SGCZ: variants seen among roughly 807,000 people sequenced by gnomAD.
SGCZ encodes sarcoglycan zeta.
In SGCZ, 40 loss-of-function variants were observed where a neutral mutation model predicts 41.3. That is an observed-to-expected ratio of 0.97 (90% CI 0.75 to 1.26). The LOEUF (loss-of-function observed/expected upper bound fraction) is 1.26. Ranked by LOEUF, SGCZ falls within the 50% of genes most tolerant of loss-of-function variation. SGCZ has a pLI of 0.00. For missense variants in SGCZ, 552 were observed against 369.8 expected, an observed-to-expected ratio of 1.49 and a Z score of -4.04; for synonymous variants, 206 against 137.5, an observed-to-expected ratio of 1.50 and a Z score of -3.49.
At chr8:14,747,244 T>C (rs1274081668) in intron 1 of SGCZ, among the ~76,000 whole-genome samples, 1 of 152,194 alleles carries the variant, frequency 6.6e-6, no homozygotes, top group East Asian at 1.9e-4. Flanking sequence ...TGCTGAGTCG[T>C]GTGTGAATAC....
chr8:14,705,578 G>A (rs1809307511), intron 1 of SGCZ, among the ~76,000 whole-genome samples: 3 of 151,890 alleles, frequency 2.0e-5, no homozygotes, highest in East Asian at 3.9e-4. Flanking sequence ...AGATCAAAAT[G>A]TTTCTATTTT....
intron 1 of SGCZ, among the ~76,000 whole-genome samples, chr8:14,801,435 G>T (rs1329921274): frequency 6.6e-6 from 1 of 152,092 alleles, no homozygotes; most frequent in Non-Finnish European, 1.5e-5. Flanking sequence ...TTGGAAGATG[G>T]ATGTAGCACT....
intron 7 of SGCZ, among the ~76,000 whole-genome samples, chr8:14,101,079 T>G (rs1456764317): frequency 6.6e-6 from 1 of 151,880 alleles, no homozygotes; most frequent in Non-Finnish European, 1.5e-5. Flanking sequence ...AAGGTAGAAT[T>G]AAAAATGAAC....
At chr8:14,683,535 C>T (rs183156661) in intron 1 of SGCZ, among the ~76,000 whole-genome samples, 346 of 152,162 alleles carry the variant, frequency 2.3e-3, no homozygotes, top group Non-Finnish European at 3.6e-3. Context: ...AACTTCTTCC[C>T]AAATTCATCA....
intron 2 of SGCZ, among the ~76,000 whole-genome samples, chr8:14,459,802 A>C (rs1800850055): frequency 6.6e-6 from 1 of 152,208 alleles, no homozygotes; most frequent in South Asian, 2.1e-4. Context: ...AAATAAATAA[A>C]AGCAAGGAAC....
At position 14,289,952 on chromosome 8, in the gene SGCZ, G is replaced by C. The variant is rs150902981; in HGVS notation, c.336+34151C>G. Among the ~76,000 whole-genome samples, 1,056 of 152,094 alleles carry C rather than the reference G, an allele frequency of 6.9e-3. 7 individuals are homozygous for C. The highest frequency in any genetic ancestry group is 0.011 in the Non-Finnish European group (756 of 67,970). On this transcript the variant is annotated intron_variant, in intron 3 of 7. Transcript: ENST00000382080. The stretch of plus-strand genomic sequence containing the variant: ...AGCAGGCACCTTCTTCATAAGGCAG[G>C]AGAGTGAGTGAGTGGCGAACCACCA...
Position 14,103,741 on chromosome 8 carries a change from G to C in SGCZ, c.621-1242C>G, listed in dbSNP as rs185802585. Among the ~76,000 whole-genome samples, 150 of 151,912 alleles carry C rather than the reference G, an allele frequency of 9.9e-4. 2 individuals are homozygous for C. The highest frequency in any genetic ancestry group is 3.4e-3 in the African/African-American group (141 of 41,450). On this transcript the variant is annotated intron_variant, in intron 6 of 7. Transcript: ENST00000382080. ...CTTCATATAATCCCTGGAGGGGTGAGGTTTTGAATGTGTCTATTTTTAAGA... is the reference window on the plus strand; with the variant it reads ...CTTCATATAATCCCTGGAGGGGTGACGTTTTGAATGTGTCTATTTTTAAGA...
At chr8:14,520,017 T>TA (rs1396215831) in intron 2 of SGCZ, among the ~76,000 whole-genome samples, 10 of 152,086 alleles carry the variant, frequency 6.6e-5, no homozygotes, top group African/African-American at 2.4e-4. Flanking sequence ...AACTTTTTTT[T>TA]AAAAATGATA....
intron 2 of SGCZ, among the ~76,000 whole-genome samples, chr8:14,388,672 C>G (rs576676255): frequency 4.9e-4 from 74 of 151,858 alleles, no homozygotes; most frequent in African/African-American, 1.8e-3. Context: ...TTTAGCTTTC[C>G]AAAGTCAAAG....
chr8:14,822,157 C>T (rs1402625844), intron 1 of SGCZ, among the ~76,000 whole-genome samples: 2 of 149,990 alleles, frequency 1.3e-5, no homozygotes, highest in African/African-American at 2.5e-5. Context: ...ACACAAAAAT[C>T]AACATTCAAA....
intron 1 of SGCZ, chr8:14,853,561 C>G: frequency 2.0e-6 from 1 of 508,232 alleles, no homozygotes; most frequent in South Asian, 1.4e-5. Flanking sequence ...CAAACATAAT[C>G]AAACAATACA....
intron 3 of SGCZ, among the ~76,000 whole-genome samples, chr8:14,323,505 A>T (rs1284594571): frequency 1.3e-5 from 2 of 152,112 alleles, no homozygotes; most frequent in Admixed American, 1.3e-4. Context: ...GCCTTCTGAG[A>T]GGTAATGTAC....
At chr8:14,186,019 C>T (rs1371975358) in intron 4 of SGCZ, among the ~76,000 whole-genome samples, 1 of 152,114 alleles carries the variant, frequency 6.6e-6, no homozygotes, top group Non-Finnish European at 1.5e-5. Flanking sequence ...CCCAATACAA[C>T]CTTTGAGTTG....
At chr8:14,864,991 C>A (rs1242417284) in intron 1 of SGCZ, among the ~76,000 whole-genome samples, 1 of 144,760 alleles carries the variant, frequency 6.9e-6, no homozygotes, top group South Asian at 2.1e-4. Context: ...CAATTTTTAG[C>A]CCATTATTAT....
intron 1 of SGCZ, among the ~76,000 whole-genome samples, chr8:15,204,496 C>G (rs1563182517): frequency 6.6e-6 from 1 of 152,126 alleles, no homozygotes; most frequent in Non-Finnish European, 1.5e-5. Context: ...TACTTTCTTC[C>G]TAAAAATGAC....
rs7002045 is a variant in SGCZ, at chr8:14,208,515, A to G, written c.424+29077T>C. Among the ~76,000 whole-genome samples the G allele has an allele frequency of 8.0e-3, 1,216 of 152,348 alleles. 23 individuals are homozygous for G. Among genetic ancestry groups the G allele is most frequent in the African/African-American group, 0.028 (1,166 of 41,584 alleles). Reference sequence around the variant, plus strand: ...AAATAATTTTGTCAACCACATTAACAATTGAAACATGAAAATACACAAAGA... The same window carrying G: ...AAATAATTTTGTCAACCACATTAACGATTGAAACATGAAAATACACAAAGA... On this transcript the variant is annotated intron_variant, in intron 4 of 7. Coordinates refer to ENST00000382080, the MANE Select transcript of SGCZ (RefSeq NM_139167.4).
intron 1 of SGCZ, among the ~76,000 whole-genome samples, chr8:15,227,296 G>A (rs1051435140): frequency 2.0e-5 from 3 of 152,090 alleles, no homozygotes; most frequent in African/African-American, 4.8e-5. Context: ...ATACACAAAC[G>A]AGCTATTAAA....
intron 2 of SGCZ, among the ~76,000 whole-genome samples, chr8:14,456,955 C>T (rs1412605647): frequency 1.3e-5 from 2 of 152,184 alleles, no homozygotes; most frequent in African/African-American, 4.8e-5. Context: ...TTGCCTTCTG[C>T]CATGATTGTA....
intron 1 of SGCZ, among the ~76,000 whole-genome samples, chr8:14,734,492 G>A (rs947158522): frequency 1.3e-5 from 2 of 152,072 alleles, no homozygotes; most frequent in African/African-American, 4.8e-5. Flanking sequence ...CACCGTAAAG[G>A]TTTAGCAACC....
Sources: gnomAD v4.1 joint callset for allele counts (sites outside exome capture counted in the v4.1 genomes callset) on GRCh38, gnomAD v4.1.1 for gene constraint, MANE v1.5 for transcripts, NCBI Gene and HGNC (gene_info 2026-07-23, HGNC 2026-07-21) for gene names.